ANAPC10: variants seen among roughly 807,000 people sequenced by gnomAD.
ANAPC10 encodes anaphase promoting complex subunit 10.
In ANAPC10, 12 loss-of-function variants were observed where a neutral mutation model predicts 22.0. The observed-to-expected ratio is 0.55, with a 90% CI of 0.35 to 0.88. The LOEUF is 0.88. Ranked by LOEUF, ANAPC10 falls within the 40% of genes least tolerant of loss-of-function variation. The pLI is 0.01. For synonymous variants in ANAPC10, 65 were observed against 69.5 expected, an observed-to-expected ratio of 0.94 and a Z score of 0.32; for missense variants, 188 against 220.9, an observed-to-expected ratio of 0.85 and a Z score of 0.94.
intron 4 of ANAPC10, among the ~76,000 whole-genome samples, chr4:145,045,974 C>T (rs539608866): frequency 6.6e-6 from 1 of 152,224 alleles, no homozygotes; most frequent in Admixed American, 6.5e-5. Context: ...ATTATCTATG[C>T]TTTTGCTTTA....
chr4:145,024,150 T>C (rs1736334315), intron 4 of ANAPC10, among the ~76,000 whole-genome samples: 1 of 152,218 alleles, frequency 6.6e-6, no homozygotes, highest in Non-Finnish European at 1.5e-5. Context: ...CAGTCACATC[T>C]TTTAGGCTCC....
chr4:144,995,569 T>C lies in ANAPC10; in HGVS notation c.362A>G (p.His121Arg). 6.2e-7 allele frequency: 1 copy of C among 1,612,980 alleles called. No homozygotes were observed. The highest frequency in any genetic ancestry group is 8.5e-7 in the Non-Finnish European group (1 of 1,179,654). The change falls in exon 5 of 5, where the codon CAT (histidine) becomes CGT (arginine). Residue 121 changes from histidine (H) to arginine (R), a missense_variant. Transcript: ENST00000507656. Reference sequence around the variant, plus strand: ...CTTATGATTGTCAGTTAAGGGAACATGAATCCAGCCACTTGGTTCCACCAA... The same window carrying C: ...CTTATGATTGTCAGTTAAGGGAACACGAATCCAGCCACTTGGTTCCACCAA... ...LELVEPSGWI[H>R]VPLTDNHKKP...
intron 4 of ANAPC10, among the ~76,000 whole-genome samples, chr4:145,038,182 A>G (rs952548517): frequency 7.9e-5 from 12 of 152,104 alleles, no homozygotes; most frequent in African/African-American, 2.9e-4. Flanking sequence ...AAATAAAAAT[A>G]AATAATAGAT....
chr4:145,086,259 G>A (rs755380407), intron 2 of ANAPC10, among the ~76,000 whole-genome samples: 14 of 152,106 alleles, frequency 9.2e-5, no homozygotes, highest in Non-Finnish European at 5.9e-5. Context: ...CACCGTGTCC[G>A]GCCCTGAATT....
chr4:145,005,987 G>C (rs941753344), intron 4 of ANAPC10, among the ~76,000 whole-genome samples: 1 of 152,074 alleles, frequency 6.6e-6, no homozygotes, highest in African/African-American at 2.4e-5. Flanking sequence ...GTTAAGTGTT[G>C]AGTTCAGATC....
At chr4:145,031,509 G>A (rs1199461305) in intron 4 of ANAPC10, among the ~76,000 whole-genome samples, 1 of 152,168 alleles carries the variant, frequency 6.6e-6, no homozygotes, top group Non-Finnish European at 1.5e-5. Context: ...GATTCTGAAG[G>A]CAACACATTT....
intron 4 of ANAPC10, among the ~76,000 whole-genome samples, chr4:145,036,094 G>A (rs1409201508): frequency 6.6e-6 from 1 of 151,976 alleles, no homozygotes; most frequent in Admixed American, 6.6e-5. Context: ...ACAAAATAAT[G>A]CCTAAAAAAA....
intron 4 of ANAPC10, among the ~76,000 whole-genome samples, chr4:145,041,428 A>C (rs34472583): frequency 6.6e-6 from 1 of 152,234 alleles, no homozygotes; most frequent in Non-Finnish European, 1.5e-5. Context: ...GAGGAGAAAA[A>C]GCAAAGACCG....
chr4:145,028,236 C>G, intron 4 of ANAPC10, among the ~76,000 whole-genome samples: 1 of 152,074 alleles, frequency 6.6e-6, no homozygotes, highest in Non-Finnish European at 1.5e-5. Flanking sequence ...ATCTGGTGGG[C>G]ACAATCTAAT....
At chr4:145,024,182 G>C (rs1007927275) in intron 4 of ANAPC10, among the ~76,000 whole-genome samples, 1 of 152,150 alleles carries the variant, frequency 6.6e-6, no homozygotes, top group East Asian at 1.9e-4. Context: ...TAGTTCTCTT[G>C]CTATTTCCAA....
intron 4 of ANAPC10, among the ~76,000 whole-genome samples, chr4:145,057,639 G>A (rs544887216): frequency 1.3e-5 from 2 of 151,836 alleles, no homozygotes; most frequent in Non-Finnish European, 2.9e-5. Flanking sequence ...ACTATCCATG[G>A]ACTACCTACT....
At chr4:145,007,126 C>T (rs933839290) in intron 4 of ANAPC10, among the ~76,000 whole-genome samples, 1 of 152,168 alleles carries the variant, frequency 6.6e-6, no homozygotes, top group East Asian at 1.9e-4. Flanking sequence ...ACGGGAGCAC[C>T]CAGATTCATA....
At chr4:145,010,615 T>C (rs544468857) in intron 4 of ANAPC10, among the ~76,000 whole-genome samples, 50 of 151,986 alleles carry the variant, frequency 3.3e-4, no homozygotes, top group African/African-American at 4.6e-4. Context: ...TAGATGGGAA[T>C]TGAACAATGA....
At chr4:145,031,952 T>C (rs1737652051) in intron 4 of ANAPC10, among the ~76,000 whole-genome samples, 1 of 152,156 alleles carries the variant, frequency 6.6e-6, no homozygotes. Flanking sequence ...ACAGCAGCAT[T>C]CCATTATCAA....
chr4:145,050,343 G>A (rs1740917709), intron 4 of ANAPC10, among the ~76,000 whole-genome samples: 1 of 152,204 alleles, frequency 6.6e-6, no homozygotes, highest in African/African-American at 2.4e-5. Context: ...GCTCTAAACA[G>A]ATGTGCTGTC....
chr4:144,994,830 C>T lies in ANAPC10; in HGVS notation c.*543G>A, dbSNP rs565202088. Reference sequence around the variant, plus strand: ...AATATGAGACAATTAATTATACTCCCCATATTAGATTGGTTCTCATCAGAC... The same window carrying T: ...AATATGAGACAATTAATTATACTCCTCATATTAGATTGGTTCTCATCAGAC... On this transcript the variant is annotated 3_prime_UTR_variant, in exon 5 of 5. Transcript: ENST00000507656. 6.6e-6 allele frequency: 1 copy of T among 152,540 alleles called. No individual in the cohort carries two copies. The highest frequency in any genetic ancestry group is 2.1e-4 in the South Asian group (1 of 4,832). 9.4% of individuals were successfully genotyped at this position (152,540 alleles called of 1,614,324 possible). A position where few individuals can be genotyped will look rare whatever the true frequency, so the allele number is the denominator to read the frequency against.
intron 3 of ANAPC10, among the ~76,000 whole-genome samples, chr4:145,067,004 G>A (rs947175572): frequency 6.6e-5 from 10 of 151,838 alleles, no homozygotes; most frequent in African/African-American, 1.4e-4. Context: ...AGTTATTATC[G>A]TAAGGTTCAC....
rs1435963953 is a variant in ANAPC10 at position 145,080,136 on chromosome 4, A to AAG, written c.206+1523_206+1524insCT. Among the ~76,000 whole-genome samples, 96 of 150,988 alleles carry AAG rather than the reference A, an allele frequency of 6.4e-4. 1 individual carries two copies. The highest frequency in any genetic ancestry group is 2.3e-3 in the African/African-American group (93 of 41,192). ...CTCAAAAAAAAAAAAAAAAAAAAAA[A>AAG]AACACACATTGAATACACACAGATA... is the stretch of plus-strand genomic sequence containing the variant. On this transcript the variant is annotated intron_variant, in intron 3 of 4. Transcript: ENST00000507656.
chr4:145,076,848 A>G (rs1336947873), intron 3 of ANAPC10, among the ~76,000 whole-genome samples: 3 of 152,268 alleles, frequency 2.0e-5, no homozygotes. Flanking sequence ...CACCAAGTTG[A>G]GGAAAGAATC....
Sources: allele counts gnomAD v4.1 joint callset (sites outside exome capture counted in the v4.1 genomes callset), GRCh38; gene constraint gnomAD v4.1.1; transcripts MANE v1.5; gene names NCBI Gene and HGNC (gene_info 2026-07-23, HGNC 2026-07-21).